Variants in MYO7A observed in about 807,000 individuals in gnomAD.
MYO7A encodes the protein myosin VIIA, also known as unconventional myosin-VIIa.
MYO7A carries 210 observed loss-of-function variants against 263.8 expected under a neutral mutation model. That is an observed-to-expected ratio of 0.80 (90% CI 0.71 to 0.89). The LOEUF (loss-of-function observed/expected upper bound fraction) is 0.89. Ranked by LOEUF, MYO7A falls within the 40% of genes least tolerant of loss-of-function variation. The pLI, the probability that MYO7A is intolerant of heterozygous loss-of-function variation, is 0.00. For synonymous variants in MYO7A, 1,239 were observed against 1,197.3 expected (o/e 1.03, Z -0.72); for missense variants, 2,820 against 2,968.3 (o/e 0.95, Z 1.16).
intron 2 of MYO7A, among the ~76,000 whole-genome samples, chr11:77,131,283 T>C (rs1950758916): frequency 6.6e-6 from 1 of 152,132 alleles, no homozygotes; most frequent in Non-Finnish European, 1.5e-5. Flanking sequence ...CCGTAGGGCT[T>C]GTGGGGCTGT....
At chr11:77,150,707 G>A (rs1555056704) in intron 4 of MYO7A, among the ~76,000 whole-genome samples, 1 of 152,162 alleles carries the variant, frequency 6.6e-6, no homozygotes, top group East Asian at 1.9e-4. Context: ...ACCACGCTGT[G>A]GCACCTGGAA....
chr11:77,192,289 G>C lies in MYO7A; in HGVS notation c.4152+11G>C. 6.2e-7 allele frequency: 1 copy of C among 1,611,778 alleles called. No individual in the cohort carries two copies. Reference sequence around the variant, plus strand: ...TACAGGTGTGAGAAGGTGAGTGGGAGGGAATCTTCCGCCAGGCTGGCTTGG... The same window carrying C: ...TACAGGTGTGAGAAGGTGAGTGGGACGGAATCTTCCGCCAGGCTGGCTTGG... On this transcript the variant is annotated intron_variant, in intron 31 of 48. Transcript: ENST00000409709.
At chr11:77,208,052 C>G (rs574559685) in intron 42 of MYO7A, among the ~76,000 whole-genome samples, 1 of 152,202 alleles carries the variant, frequency 6.6e-6, no homozygotes, top group Non-Finnish European at 1.5e-5. Flanking sequence ...CTGTGCCAGA[C>G]GCTGGGACCC....
At chr11:77,173,441 T>C (rs1013072579) in intron 16 of MYO7A, among the ~76,000 whole-genome samples, 4 of 152,250 alleles carry the variant, frequency 2.6e-5, no homozygotes, top group African/African-American at 7.2e-5. Context: ...GTGCCCAGCA[T>C]AGGCTGGATG....
intron 39 of MYO7A, among the ~76,000 whole-genome samples, chr11:77,205,108 A>T (rs1957354355): frequency 6.6e-6 from 1 of 152,204 alleles, no homozygotes; most frequent in Non-Finnish European, 1.5e-5. Context: ...TGCTTCCTTC[A>T]TGGAGAAAGT....
At position 77,202,351 on chromosome 11, in the gene MYO7A, C is replaced by T. The variant is rs530520654; in HGVS notation, c.5095C>T (p.Gln1699Ter). ...DQRQDVVRLLQLRTAEPEVRA... is the reference protein window; with the variant it reads ...DQRQDVVRLL ...GAGGCAGGACGTTGTCCGGCTCTTG[C>T]AGCTGCGAACGGCGGAGCCCGAGGT... The change falls in exon 37 of 49, where the codon CAG becomes TAG. Residue 1699 changes from glutamine to a stop codon, truncating the protein, a stop_gained. Transcript: ENST00000409709. LOFTEE classifies it high-confidence loss of function. 1 of 1,574,738 alleles carries T rather than the reference C, an allele frequency of 6.4e-7. No individual in the cohort carries two copies. The highest frequency in any genetic ancestry group is 8.6e-7 in the Non-Finnish European group (1 of 1,159,408).
chr11:77,148,101 C>T (rs1414920323), intron 4 of MYO7A, among the ~76,000 whole-genome samples, 151 bp downstream of exon 4: 2 of 152,146 alleles, frequency 1.3e-5, no homozygotes, highest in Admixed American at 6.5e-5. Context: ...CCCCGGGGCC[C>T]CTGCTGGGGC....
intron 14 of MYO7A, among the ~76,000 whole-genome samples, chr11:77,164,788 C>T (rs1315720929): frequency 2.0e-5 from 3 of 152,284 alleles, no homozygotes; most frequent in Admixed American, 2.0e-4. Flanking sequence ...AGTTGTAAAA[C>T]TATAGAACGC....
chr11:77,199,847 G>T, intron 35 of MYO7A, 29 bp downstream of exon 35: 1 of 1,552,300 alleles, frequency 6.4e-7, no homozygotes, highest in South Asian at 1.2e-5. Context: ...GGACTGCCTG[G>T]CACTGGGGGT....
At chr11:77,189,987 C>T in intron 28 of MYO7A, 33 bp from the exon 29 acceptor site, 1 of 1,493,422 alleles carries the variant, frequency 6.7e-7, no homozygotes, top group Non-Finnish European at 9.0e-7. Context: ...TGGGGAGCCC[C>T]AGGGGCCGCC....
chr11:77,192,392 G>A, intron 31 of MYO7A, 114 bp downstream of exon 31: 2 of 1,090,014 alleles, frequency 1.8e-6, no homozygotes, highest in East Asian at 4.9e-5. Context: ...GGGTGAGCCT[G>A]ACTGCAACCA....
At chr11:77,158,170 C>G (rs1241989003) in intron 8 of MYO7A, 107 bp from the exon 9 acceptor site, 15 of 1,331,014 alleles carry the variant, frequency 1.1e-5, no homozygotes, top group Non-Finnish European at 1.5e-5. Context: ...CCCGGGCTGG[C>G]CTGGCCTGTC....
intron 27 of MYO7A, among the ~76,000 whole-genome samples, chr11:77,187,183 TATA>T (rs1295746981): frequency 6.6e-6 from 1 of 152,076 alleles, no homozygotes; most frequent in Non-Finnish European, 1.5e-5. Flanking sequence ...TCACAGCAAA[TATA>T]ATAATAAAGT....
intron 15 of MYO7A, among the ~76,000 whole-genome samples, chr11:77,169,670 G>T (rs1236194500): frequency 1.3e-5 from 2 of 152,114 alleles, no homozygotes; most frequent in African/African-American, 4.8e-5. Context: ...AACCTTTATT[G>T]AGTACCTACT....
Position 77,198,477 on chromosome 11 carries a change from GCCTT to G in MYO7A, c.4442-17_4442-14del. The G allele has an allele frequency of 6.2e-7, 1 of 1,612,540 alleles. No homozygotes were observed. The highest frequency in any genetic ancestry group is 8.5e-7 in the Non-Finnish European group (1 of 1,178,920). ...GGGTGTGGGAGGCCTGCCTCTCAGT[GCCTT>G]GGTCTCGTCCCAGGCCCCAGTCTCC... is the stretch of plus-strand genomic sequence containing the variant. On this transcript the variant is annotated splice_polypyrimidine_tract_variant and intron_variant, in intron 33 of 48. Transcript: ENST00000409709.
At chr11:77,152,759 A>C (rs1034280208) in intron 4 of MYO7A, among the ~76,000 whole-genome samples, 1 of 152,122 alleles carries the variant, frequency 6.6e-6, no homozygotes. Context: ...TCAGCTGGGC[A>C]TGCTGAAGGA....
At chr11:77,143,739 G>A (rs1268577456) in intron 3 of MYO7A, among the ~76,000 whole-genome samples, 2 of 152,212 alleles carry the variant, frequency 1.3e-5, no homozygotes, top group Admixed American at 6.5e-5. Context: ...CAGGGGCTGG[G>A]ACACAGAATT....
intron 43 of MYO7A, 52 bp downstream of exon 43, chr11:77,208,569 G>T: frequency 3.8e-6 from 6 of 1,575,318 alleles, no homozygotes; most frequent in Non-Finnish European, 5.2e-6. Flanking sequence ...GGGAAGTGTG[G>T]GCTCGGGGCT....
intron 15 of MYO7A, among the ~76,000 whole-genome samples, chr11:77,169,091 G>T (rs528385010): frequency 2.6e-5 from 4 of 152,364 alleles, no homozygotes; most frequent in Admixed American, 1.3e-4. Flanking sequence ...ATGAAAATCA[G>T]CTTGGTTAAT....
Sources: gnomAD v4.1 joint callset for allele counts (sites outside exome capture counted in the v4.1 genomes callset) on GRCh38, gnomAD v4.1.1 for gene constraint, MANE v1.5 for transcripts, NCBI Gene and HGNC (gene_info 2026-07-23, HGNC 2026-07-21) for gene names.